The following MTCL1 variants were observed in gnomAD, a reference collection of about 807,000 sequenced individuals.
MTCL1 encodes microtubule crosslinking factor 1, also known as microtubule cross-linking factor 1.
MTCL1 carries 79 observed loss-of-function variants against 141.4 expected under a neutral mutation model. The ratio of observed to expected loss-of-function variants is 0.56; its 90% CI spans 0.47 to 0.67. MTCL1 has a LOEUF of 0.67. Ranked by LOEUF, MTCL1 falls within the 30% of genes least tolerant of loss-of-function variation. The pLI is 0.00. For missense variants in MTCL1, 2,177 were observed against 2,113.9 expected (o/e 1.03, Z -0.59); for synonymous variants, 914 against 875.8 (o/e 1.04, Z -0.77).
chr18:8,787,532 GTCAC>G (rs1391469775), intron 7 of MTCL1, among the ~76,000 whole-genome samples: 1 of 152,262 alleles, frequency 6.6e-6, no homozygotes, highest in African/African-American at 2.4e-5. Flanking sequence ...TTTCTAAAGA[GTCAC>G]TCTAACGACT....
chr18:8,728,720 CTT>C (rs34524200), intron 4 of MTCL1, among the ~76,000 whole-genome samples: 62 of 59,054 alleles, frequency 1.0e-3, no homozygotes, highest in African/African-American at 4.0e-3. Flanking sequence ...GTTGTCCATT[CTT>C]TTTTTTTTTT....
chr18:8,733,199 C>A (rs571429636), intron 4 of MTCL1, among the ~76,000 whole-genome samples: 1 of 152,296 alleles, frequency 6.6e-6, no homozygotes, highest in South Asian at 2.1e-4. Context: ...ACCTCGGGGG[C>A]TGAGGTGAGA....
chr18:8,721,564 T>G (rs540794505), intron 4 of MTCL1, among the ~76,000 whole-genome samples: 2 of 152,134 alleles, frequency 1.3e-5, no homozygotes, highest in Non-Finnish European at 2.9e-5. Flanking sequence ...CGCTGGAATG[T>G]TCTTTCTCCA....
At position 8,825,554 on chromosome 18, in the gene MTCL1, T is replaced by C. The variant is rs1381167284; in HGVS notation, c.4044T>C (p.Thr1348=). 6 of 1,612,770 alleles carry C rather than the reference T, an allele frequency of 3.7e-6. No homozygotes were observed. In the East Asian group the frequency reaches 1.1e-4, roughly 30 times the overall value. The change falls in exon 15 of 17, where the codon ACT becomes ACC. Residue 1348 remains threonine, a synonymous_variant. Transcript: ENST00000359865. ...CCAGCAGCCCCCACAAGTGTCTCAC[T>C]CCAAAGGCTGGGGGCGGTGCTACAC...
chr18:8,789,092 G>A (rs1215963291), intron 7 of MTCL1, among the ~76,000 whole-genome samples: 1 of 152,224 alleles, frequency 6.6e-6, no homozygotes, highest in African/African-American at 2.4e-5. Context: ...AAGGAGACCA[G>A]GCCTGTGCCC....
chr18:8,711,896 T>A (rs1253926585), intron 1 of MTCL1, among the ~76,000 whole-genome samples: 4 of 152,174 alleles, frequency 2.6e-5, no homozygotes, highest in African/African-American at 4.8e-5. Flanking sequence ...GTGTGTTCCT[T>A]CCCTGCCAGG....
rs772854015 is a variant in MTCL1 at position 8,786,117 on chromosome 18, C to CA, written c.1887+26_1887+27insA. On this transcript the variant is annotated intron_variant, in intron 7 of 16. Coordinates refer to ENST00000359865, the Ensembl canonical transcript of MTCL1. Reference sequence around the variant, plus strand: ...GTCAGCGTGGGCAAGCAATCCCCCCCCCCCGCCCTCCCCCTCCTTTTTCTG... The same window carrying CA: ...GTCAGCGTGGGCAAGCAATCCCCCCCACCCCGCCCTCCCCCTCCTTTTTCTG... 8.0e-5 allele frequency: 111 copies of CA among 1,394,752 alleles called. 1 individual carries two copies. The highest frequency in any genetic ancestry group is 1.3e-4 in the Admixed American group (5 of 39,956). The allele number at this position is 1,394,752 out of a possible 1,614,324, so 86.4% of individuals were successfully genotyped here. A position where few individuals can be genotyped will look rare whatever the true frequency, so the allele number is the denominator to read the frequency against.
chr18:8,785,179 C>A (rs1038931088), intron 6 of MTCL1, among the ~76,000 whole-genome samples: 1 of 152,182 alleles, frequency 6.6e-6, no homozygotes, highest in African/African-American at 2.4e-5. Context: ...GGCCTTGCTC[C>A]TCTCTTGGTA....
Position 8,806,886 on chromosome 18 carries a change from C to T in MTCL1, c.2437-7C>T, listed in dbSNP as rs554141162. ...AGGTGGTGGAGCCTGACTCAGTGTT[C>T]CCGCAGGTGGTGGAAAACCAGCAGC... On this transcript the variant is annotated splice_region_variant and splice_polypyrimidine_tract_variant and intron_variant, in intron 10 of 16. Transcript: ENST00000359865. 3 of 1,611,882 alleles carry T rather than the reference C, an allele frequency of 1.9e-6. No homozygotes were observed. The highest frequency in any genetic ancestry group is 1.7e-4 in the Middle Eastern group (1 of 6,060).
Position 8,786,109 on chromosome 18 carries a change from A to AACCC in MTCL1, c.1887+18_1887+19insACCC. 2 of 1,342,524 alleles carry AACCC rather than the reference A, an allele frequency of 1.5e-6. No homozygotes were observed. The highest frequency in any genetic ancestry group is 2.0e-6 in the Non-Finnish European group (2 of 1,022,222). 83.2% of individuals were successfully genotyped at this position (1,342,524 alleles called of 1,614,324 possible). A position where few individuals can be genotyped will look rare whatever the true frequency, so the allele number is the denominator to read the frequency against. ...GCCTGGAGGTCAGCGTGGGCAAGCAATCCCCCCCCCCCGCCCTCCCCCTCC... is the reference window on the plus strand; with the variant it reads ...GCCTGGAGGTCAGCGTGGGCAAGCAAACCCTCCCCCCCCCCCGCCCTCCCCCTCC... On this transcript the variant is annotated intron_variant, in intron 7 of 16. Transcript: ENST00000359865.
At chr18:8,712,429 G>T (rs2096098970), upstream of MTCL1, among the ~76,000 whole-genome samples, 1 of 152,204 alleles carries the variant, frequency 6.6e-6, no homozygotes, top group African/African-American at 2.4e-5. Flanking sequence ...CCAGATGCCG[G>T]GTGCTCAGTG....
chr18:8,783,900 C>T, exon 6 of MTCL1: 2 of 1,613,374 alleles, frequency 1.2e-6, no homozygotes, highest in Non-Finnish European at 1.7e-6. Context: ...CCTACCTCAC[C>T]CTTCGGTGAC....
At chr18:8,787,543 G>A (rs148865128) in intron 7 of MTCL1, among the ~76,000 whole-genome samples, 3 of 152,358 alleles carry the variant, frequency 2.0e-5, no homozygotes, top group East Asian at 3.9e-4. Context: ...TCACTCTAAC[G>A]ACTAATTGTA....
At chr18:8,791,654 T>C (rs532160975) in intron 7 of MTCL1, among the ~76,000 whole-genome samples, 4 of 152,090 alleles carry the variant, frequency 2.6e-5, no homozygotes, top group Admixed American at 2.0e-4. Context: ...GACCACACAT[T>C]TTCTAAATAA....
At chr18:8,722,929 A>G (rs1158694799) in intron 4 of MTCL1, among the ~76,000 whole-genome samples, 1 of 152,220 alleles carries the variant, frequency 6.6e-6, no homozygotes, top group East Asian at 1.9e-4. Flanking sequence ...GAAGGAAGAA[A>G]TGATTATTGT....
Position 8,786,059 on chromosome 18 carries a change from G to A in MTCL1, c.1855G>A (p.Gly619Arg), listed in dbSNP as rs767934637. 71 of 1,591,652 alleles carry A rather than the reference G, an allele frequency of 4.5e-5. No individual in the cohort carries two copies. Among genetic ancestry groups the A allele is most frequent in the South Asian group, 2.6e-4 (23 of 89,124 alleles). Residue 619 changes from glycine to arginine, a missense_variant, in exon 7 of 17, where the codon GGG becomes AGG. Transcript: ENST00000359865. ...CGCAGACGGGGACACCGGGAGCCAC[G>A]GGCTGGGAGGCCAGACCTGCTTCAG...
intron 4 of MTCL1, among the ~76,000 whole-genome samples, chr18:8,729,409 T>A (rs993441771): frequency 1.4e-4 from 21 of 151,934 alleles, no homozygotes; most frequent in Admixed American, 6.6e-5. Flanking sequence ...GTTAATTAAT[T>A]AAAATTTTTT....
intron 1 of MTCL1, among the ~76,000 whole-genome samples, chr18:8,707,818 G>A (rs1393066578): frequency 1.3e-5 from 2 of 152,176 alleles, no homozygotes; most frequent in African/African-American, 2.4e-5. Context: ...TGGGCTTTAA[G>A]GTGCATGGTG....
At chr18:8,785,572 G>A (rs891452651) in intron 6 of MTCL1, 6 of 244,250 alleles carry the variant, frequency 2.5e-5, no homozygotes, top group South Asian at 1.7e-4. Context: ...GAAGAGCCTC[G>A]TTTTCCGTTT....
Sources: gnomAD v4.1 joint callset for allele counts (sites outside exome capture counted in the v4.1 genomes callset) on GRCh38, gnomAD v4.1.1 for gene constraint, MANE v1.5 for transcripts, NCBI Gene and HGNC (gene_info 2026-07-23, HGNC 2026-07-21) for gene names.